Variants in BANF2 observed in about 807,000 individuals in gnomAD.
BANF2 encodes BANF family member 2, also known as barrier-to-autointegration factor-like protein.
A neutral mutation model predicts 8.0 loss-of-function variants in BANF2; 4 were observed. The observed-to-expected ratio is 0.50, with a 90% confidence interval of 0.25 to 1.14. The LOEUF is 1.14. Ranked by LOEUF, BANF2 falls within the 50% of genes most tolerant of loss-of-function variation. The probability of loss-of-function intolerance (pLI) is 0.16; values close to 1 mark genes in which losing one functional copy is unlikely to be tolerated. For synonymous variants in BANF2, 50 were observed against 40.6 expected (o/e 1.23, Z -0.88); for missense variants, 96 against 107.5 (o/e 0.89, Z 0.47).
intron 1 of BANF2, among the ~76,000 whole-genome samples, 188 bp downstream of exon 1, chr20:17,700,243 C>T (rs933555915): frequency 6.6e-6 from 1 of 152,226 alleles, no homozygotes; most frequent in Non-Finnish European, 1.5e-5. Context: ...CCCTTCCCAG[C>T]CTCTTCCTGC....
chr20:17,721,471 A>C (rs2037728245), intron 1 of BANF2, among the ~76,000 whole-genome samples: 1 of 151,084 alleles, frequency 6.6e-6, no homozygotes, highest in South Asian at 2.1e-4. Flanking sequence ...AGCTCACTGC[A>C]ACCTCCACCT....
chr20:17,725,469 A>G (rs1026720744), intron 3 of BANF2, among the ~76,000 whole-genome samples: 1 of 152,216 alleles, frequency 6.6e-6, no homozygotes, highest in African/African-American at 2.4e-5. Flanking sequence ...AGCTGTCAGG[A>G]TGGATGATTT....
At chr20:17,699,179 C>T (rs926614150), upstream of BANF2, among the ~76,000 whole-genome samples, 3 of 152,202 alleles carry the variant, frequency 2.0e-5, no homozygotes, top group African/African-American at 7.2e-5. Flanking sequence ...CCAACAGTTT[C>T]CAAAGCGAAG....
chr20:17,705,995 T>A lies in BANF2; in HGVS notation c.-167+5940T>A, dbSNP rs113236498. Among the ~76,000 whole-genome samples the A allele has an allele frequency of 3.5e-3, 527 of 152,320 alleles. 3 individuals carry two copies. The highest frequency in any genetic ancestry group is 0.012 in the African/African-American group (496 of 41,574). ...AAGTGCCCAACCCCTGCCTGGGACA[T>A]GCCCCTCACTGCTGCATGCCTGAGG... On this transcript the variant is annotated intron_variant, in intron 1 of 3. Coordinates refer to ENST00000246090, the MANE Select transcript of BANF2 (RefSeq NM_178477.5).
intron 3 of BANF2, 72 bp from the exon 4 acceptor site, chr20:17,735,593 G>A (rs1170116303): frequency 6.6e-7 from 1 of 1,513,476 alleles, no homozygotes; most frequent in Non-Finnish European, 9.1e-7. Context: ...TGGTTGCTGG[G>A]AAGGAAGAGC....
At chr20:17,723,672 G>A (rs568760064) in intron 2 of BANF2, among the ~76,000 whole-genome samples, 29 of 152,250 alleles carry the variant, frequency 1.9e-4, no homozygotes, top group African/African-American at 6.0e-4. Context: ...ACATTCAAGC[G>A]GACAGCAGCA....
At chr20:17,701,351 A>G (rs1051747543) in intron 1 of BANF2, among the ~76,000 whole-genome samples, 1 of 152,218 alleles carries the variant, frequency 6.6e-6, no homozygotes, top group African/African-American at 2.4e-5. Context: ...GACCTCTGTG[A>G]AGCAGGTGTT....
In BANF2 at chr20:17,694,601, CTTTTTTTTTTTTTT is replaced by C. The variant is rs869067650; in HGVS notation, c.18+914_18+927del. Among the ~76,000 whole-genome samples the C allele has an allele frequency of 1.2e-3, 33 of 26,738 alleles. No individual in the cohort carries two copies. The Admixed American group carries it at 0.014, about 11-fold the overall frequency. 17.5% of individuals were successfully genotyped at this position (26,738 alleles called of 152,430 possible). ...GGGGCTATTTTTGTTTTTTCTCTCT[CTTTTTTTTTTTTTT>C]TTTTTTTTTTTTTTTTTTATTGAGA... On this transcript the variant is annotated intron_variant, in intron 1 of 2. Coordinates refer to the BANF2 transcript ENST00000545418.
At position 17,725,140 on chromosome 20, in the gene BANF2, G is replaced by T. The variant is rs773946149; in HGVS notation, c.115G>T (p.Gly39Cys). The change falls in exon 3 of 4, where the codon GGT becomes TGT. Residue 39 changes from glycine (G) to cysteine (C), a missense_variant. Transcript: ENST00000246090. ...HELAINLVTKGINKAYILLGQ... is the reference protein window; with the variant it reads ...HELAINLVTKCINKAYILLGQ... Reference sequence around the variant, plus strand: ...GCTCGCGATCAATTTGGTCACCAAAGGTATCAATAAGGTAATTCATATTTT... The same window carrying T: ...GCTCGCGATCAATTTGGTCACCAAATGTATCAATAAGGTAATTCATATTTT... 1.9e-6 allele frequency: 3 copies of T among 1,612,474 alleles called. No homozygotes were observed. The highest frequency in any genetic ancestry group is 2.5e-6 in the Non-Finnish European group (3 of 1,178,494).
chr20:17,723,198 T>C (rs929952539), intron 2 of BANF2, among the ~76,000 whole-genome samples: 16 of 152,306 alleles, frequency 1.1e-4, no homozygotes, highest in African/African-American at 3.4e-4. Flanking sequence ...TGAGGGACAC[T>C]GACTTCCTTG....
chr20:17,699,886 T>C, upstream of BANF2: 1 of 724,642 alleles, frequency 1.4e-6, no homozygotes, highest in Non-Finnish European at 1.7e-6. Flanking sequence ...GCAGCCCTTT[T>C]TGTGCTCACC....
chr20:17,719,762 T>G (rs1275980881), intron 1 of BANF2, among the ~76,000 whole-genome samples: 2 of 151,758 alleles, frequency 1.3e-5, no homozygotes, highest in African/African-American at 4.8e-5. Flanking sequence ...TCAAAGCCAT[T>G]GGGGTCATAG....
At chr20:17,734,801 C>A (rs757113389) in intron 3 of BANF2, among the ~76,000 whole-genome samples, 2 of 152,132 alleles carry the variant, frequency 1.3e-5, no homozygotes, top group Non-Finnish European at 2.9e-5. Context: ...TTAGAAACCC[C>A]GTGCTATGGG....
At chr20:17,727,460 G>A (rs1002554191) in intron 3 of BANF2, among the ~76,000 whole-genome samples, 1 of 152,224 alleles carries the variant, frequency 6.6e-6, no homozygotes, top group Admixed American at 6.5e-5. Flanking sequence ...AATTGCACAA[G>A]AAGATCTGTG....
intron 1 of BANF2, among the ~76,000 whole-genome samples, chr20:17,718,078 T>C (rs2037680909): frequency 6.6e-6 from 1 of 152,222 alleles, no homozygotes; most frequent in African/African-American, 2.4e-5. Context: ...TTTAGAAATG[T>C]TCATGTAGCA....
chr20:17,708,200 C>T lies in BANF2; in HGVS notation c.-167+8145C>T, dbSNP rs189693975. 8.8e-4 allele frequency among the ~76,000 whole-genome samples: 134 copies of T among 152,094 alleles called. 1 individual carries two copies. Among genetic ancestry groups the T allele is most frequent in the South Asian group, 1.9e-3 (9 of 4,816 alleles). ...TGAGATCATGCCACTGCACTCTAGC[C>T]TGGGTGACAAAGTGATATGTCTCGA... On this transcript the variant is annotated intron_variant, in intron 1 of 3. Coordinates refer to ENST00000246090, the MANE Select transcript of BANF2 (RefSeq NM_178477.5).
intron 1 of BANF2, among the ~76,000 whole-genome samples, chr20:17,703,301 A>G (rs1320921626): frequency 2.0e-5 from 3 of 152,140 alleles, no homozygotes; most frequent in Non-Finnish European, 4.4e-5. Context: ...CTGGATAAAA[A>G]TCCCAGTTTC....
chr20:17,727,724 T>C (rs992194203), intron 3 of BANF2, among the ~76,000 whole-genome samples: 2 of 151,958 alleles, frequency 1.3e-5, no homozygotes, highest in Non-Finnish European at 2.9e-5. Flanking sequence ...TGACTCTTGG[T>C]GGTTTTTATT....
intron 1 of BANF2, among the ~76,000 whole-genome samples, chr20:17,702,114 C>T (rs1036066740): frequency 7.2e-5 from 11 of 152,286 alleles, no homozygotes; most frequent in Admixed American, 3.9e-4. Flanking sequence ...TACTAAATGA[C>T]GAAGCAGGTC....
Sources: allele counts gnomAD v4.1 joint callset (sites outside exome capture counted in the v4.1 genomes callset), GRCh38; gene constraint gnomAD v4.1.1; transcripts MANE v1.5; gene names NCBI Gene and HGNC (gene_info 2026-07-23, HGNC 2026-07-21).